The following HNRNPA0 variants were observed in gnomAD, a reference collection of about 807,000 sequenced individuals.
HNRNPA0 encodes the protein heterogeneous nuclear ribonucleoprotein A0.
For missense variants in HNRNPA0, 252 were observed against 433.7 expected (o/e 0.58, Z 3.72); for synonymous variants, 243 against 195.5 (o/e 1.24, Z -2.03).
rs1356946625 is a variant in HNRNPA0, at chr5:137,752,367, A to C, written c.*782T>G. The C allele has an allele frequency of 6.6e-6, 1 of 152,252 alleles. No homozygotes were observed. The highest frequency in any genetic ancestry group is 1.5e-5 in the Non-Finnish European group (1 of 68,052). The allele number at this position is 152,252 out of a possible 1,614,324, so 9.4% of individuals were successfully genotyped here. A position where few individuals can be genotyped will look rare whatever the true frequency, so the allele number is the denominator to read the frequency against. On this transcript the variant is annotated 3_prime_UTR_variant, in exon 1 of 1. Transcript: ENST00000314940. The stretch of plus-strand genomic sequence containing the variant: ...TGTCAAGATGATAAACAATTCGCTT[A>C]GTACAAGAGATGGATGCACAGAAAC...
rs1489033947 is a variant in HNRNPA0, at chr5:137,746,157, T to C, written c.*6992A>G. 2.6e-5 allele frequency: 4 copies of C among 152,236 alleles called. No homozygotes were observed. Among genetic ancestry groups the C allele is most frequent in the African/African-American group, 7.2e-5 (3 of 41,464 alleles). 9.4% of individuals were successfully genotyped at this position (152,236 alleles called of 1,614,324 possible). On this transcript the variant is annotated 3_prime_UTR_variant, in exon 1 of 1. Coordinates refer to ENST00000314940, the MANE Select transcript of HNRNPA0 (RefSeq NM_006805.4). Reference sequence around the variant, plus strand: ...CTCAACATATATATGTAGATACCTATGGTAGAGTTGAAAAGATTGTGGATC... The same window carrying C: ...CTCAACATATATATGTAGATACCTACGGTAGAGTTGAAAAGATTGTGGATC...
Position 137,752,972 on chromosome 5 carries a change from G to A in HNRNPA0, c.*177C>T, listed in dbSNP as rs976649442. On this transcript the variant is annotated 3_prime_UTR_variant, in exon 1 of 1. Transcript: ENST00000314940. ...TCCATCTTCAGAGGGAGAGACAAGA[G>A]AGGTGGCAGGCAAATAGAGGAACAC... is the stretch of plus-strand genomic sequence containing the variant. 1.4e-5 allele frequency: 8 copies of A among 590,336 alleles called. No individual in the cohort carries two copies. Among genetic ancestry groups the A allele is most frequent in the Non-Finnish European group, 2.0e-5 (7 of 344,034 alleles). The allele number at this position is 590,336 out of a possible 1,614,324, so 36.6% of individuals were successfully genotyped here.
rs1257546855 is a variant in HNRNPA0 at position 137,749,290 on chromosome 5, TTAAGAA to T, written c.*3853_*3858del. On this transcript the variant is annotated 3_prime_UTR_variant, in exon 1 of 1. Coordinates refer to ENST00000314940, the MANE Select transcript of HNRNPA0 (RefSeq NM_006805.4). ...CCTGCCTGAATAGAGAAGGAAACAG[TTAAGAA>T]TAACTACCAAAGGTGTCTTCCTGAA... 2.6e-5 allele frequency: 4 copies of T among 152,128 alleles called. No individual in the cohort carries two copies. The highest frequency in any genetic ancestry group is 9.7e-5 in the African/African-American group (4 of 41,436). The allele number at this position is 152,128 out of a possible 1,614,324, so 9.4% of individuals were successfully genotyped here. A position where few individuals can be genotyped will look rare whatever the true frequency, so the allele number is the denominator to read the frequency against.
rs1416571987 is a variant in HNRNPA0 at position 137,752,251 on chromosome 5, AAC to A, written c.*896_*897del. 18 of 152,220 alleles carry A rather than the reference AAC, an allele frequency of 1.2e-4. No homozygotes were observed. In the South Asian group the frequency reaches 1.2e-3, roughly 11 times the overall value. 9.4% of individuals were successfully genotyped at this position (152,220 alleles called of 1,614,324 possible). A position where few individuals can be genotyped will look rare whatever the true frequency, so the allele number is the denominator to read the frequency against. On this transcript the variant is annotated 3_prime_UTR_variant, in exon 1 of 1. Coordinates refer to ENST00000314940, the MANE Select transcript of HNRNPA0 (RefSeq NM_006805.4). ...AAACTAGGCCATCTGAAAAATTTTA[AAC>A]AGTTTATATGAATGACATGCTTAAC...
Position 137,752,556 on chromosome 5 carries a change from T to A in HNRNPA0, c.*593A>T, listed in dbSNP as rs1753519699. On this transcript the variant is annotated 3_prime_UTR_variant, in exon 1 of 1. Transcript: ENST00000314940. ...AATAAAGAATTAACACGTAAAGTCT[T>A]AAACAAATATCCCTTAAAAAACGGT... 1 of 152,556 alleles carries A rather than the reference T, an allele frequency of 6.6e-6. No homozygotes were observed. 9.5% of individuals were successfully genotyped at this position (152,556 alleles called of 1,614,324 possible).
chr5:137,753,088 C>A lies in HNRNPA0; in HGVS notation c.*61G>T. ...AGGGGGTGGGGCTTAGGAGTTGACC[C>A]CACTTGGGCTGTTGGAAAGAGCTAC... On this transcript the variant is annotated 3_prime_UTR_variant, in exon 1 of 1. Transcript: ENST00000314940. This position sits in a 1 kb window ranked among gnomAD's most constrained non-coding sequence, Gnocchi z 6.1. The A allele has an allele frequency of 6.6e-7, 1 of 1,521,950 alleles. No individual in the cohort carries two copies. The highest frequency in any genetic ancestry group is 8.9e-7 in the Non-Finnish European group (1 of 1,123,560). 94.3% of individuals were successfully genotyped at this position (1,521,950 alleles called of 1,614,324 possible). A position where few individuals can be genotyped will look rare whatever the true frequency, so the allele number is the denominator to read the frequency against.
rs1010143726 is a variant in HNRNPA0, at chr5:137,749,681, T to C, written c.*3468A>G. Reference sequence around the variant, plus strand: ...AGACACTTAGCCTAAGTGCAAGTGCTGTCTTTTTGGGTAAAATCCGTGTAG... The same window carrying C: ...AGACACTTAGCCTAAGTGCAAGTGCCGTCTTTTTGGGTAAAATCCGTGTAG... On this transcript the variant is annotated 3_prime_UTR_variant, in exon 1 of 1. Transcript: ENST00000314940. 3 of 152,192 alleles carry C rather than the reference T, an allele frequency of 2.0e-5. No individual in the cohort carries two copies. The highest frequency in any genetic ancestry group is 4.8e-5 in the African/African-American group (2 of 41,466). The allele number at this position is 152,192 out of a possible 1,614,324, so 9.4% of individuals were successfully genotyped here. A position where few individuals can be genotyped will look rare whatever the true frequency, so the allele number is the denominator to read the frequency against.
Position 137,752,990 on chromosome 5 carries a change from A to T in HNRNPA0, c.*159T>A. 1.5e-6 allele frequency: 1 copy of T among 670,154 alleles called. No individual in the cohort carries two copies. Among genetic ancestry groups the T allele is most frequent in the African/African-American group, 1.8e-5 (1 of 55,496 alleles). 41.5% of individuals were successfully genotyped at this position (670,154 alleles called of 1,614,324 possible). On this transcript the variant is annotated 3_prime_UTR_variant, in exon 1 of 1. Transcript: ENST00000314940. ...GACAAGAGAGGTGGCAGGCAAATAG[A>T]GGAACACCCCCAAGGGTAAGCAGCC...
chr5:137,753,508 C>T lies in HNRNPA0; in HGVS notation c.559G>A (p.Gly187Ser), dbSNP rs201091840. ...EDIYSGGGGG[G>S]SRSSRGGRGG... ...CGGCCGCCCCGGGAGGATCGGGAGC[C>T]GCCTCCACCCCCACCGGAGTAGATA... Residue 187 changes from glycine to serine, a missense_variant, in exon 1 of 1, where the codon GGC becomes AGC. By Grantham distance (56) the Gly-to-Ser change is moderately conservative. Transcript: ENST00000314940. The surrounding 1 kb of genome is among the most constrained non-coding windows in gnomAD (Gnocchi z 6.1). The T allele has an allele frequency of 9.4e-4, 1,509 of 1,601,328 alleles. 4 individuals are homozygous for T. Among genetic ancestry groups the T allele is most frequent in the Middle Eastern group, 4.1e-3 (25 of 6,038 alleles).
rs1022802721 is a variant in HNRNPA0 at position 137,748,785 on chromosome 5, T to C, written c.*4364A>G. 6.6e-6 allele frequency: 1 copy of C among 152,108 alleles called. No individual in the cohort carries two copies. The highest frequency in any genetic ancestry group is 1.5e-5 in the Non-Finnish European group (1 of 68,010). 9.4% of individuals were successfully genotyped at this position (152,108 alleles called of 1,614,324 possible). On this transcript the variant is annotated 3_prime_UTR_variant, in exon 1 of 1. Transcript: ENST00000314940. The stretch of plus-strand genomic sequence containing the variant: ...ATACCCACTATGAAGCAAATTACAT[T>C]TGCAACGTAAGCATCAAAGACAAAA...
rs1753464842 is a variant in HNRNPA0, at chr5:137,749,677, G to C, written c.*3472C>G. The C allele has an allele frequency of 6.6e-6, 1 of 152,200 alleles. No homozygotes were observed. Among genetic ancestry groups the C allele is most frequent in the African/African-American group, 2.4e-5 (1 of 41,452 alleles). The allele number at this position is 152,200 out of a possible 1,614,324, so 9.4% of individuals were successfully genotyped here. A position where few individuals can be genotyped will look rare whatever the true frequency, so the allele number is the denominator to read the frequency against. ...AGAAAGACACTTAGCCTAAGTGCAA[G>C]TGCTGTCTTTTTGGGTAAAATCCGT... On this transcript the variant is annotated 3_prime_UTR_variant, in exon 1 of 1. Coordinates refer to ENST00000314940, the MANE Select transcript of HNRNPA0 (RefSeq NM_006805.4).
chr5:137,749,684 C>T lies in HNRNPA0; in HGVS notation c.*3465G>A, dbSNP rs1348847148. The T allele has an allele frequency of 6.6e-6, 1 of 152,162 alleles. No homozygotes were observed. The highest frequency in any genetic ancestry group is 1.5e-5 in the Non-Finnish European group (1 of 67,996). The allele number at this position is 152,162 out of a possible 1,614,324, so 9.4% of individuals were successfully genotyped here. Reference sequence around the variant, plus strand: ...CACTTAGCCTAAGTGCAAGTGCTGTCTTTTTGGGTAAAATCCGTGTAGTCT... The same window carrying T: ...CACTTAGCCTAAGTGCAAGTGCTGTTTTTTTGGGTAAAATCCGTGTAGTCT... On this transcript the variant is annotated 3_prime_UTR_variant, in exon 1 of 1. Coordinates refer to ENST00000314940, the MANE Select transcript of HNRNPA0 (RefSeq NM_006805.4).
At position 137,752,595 on chromosome 5, in the gene HNRNPA0, T is replaced by C. The variant is rs1279974893; in HGVS notation, c.*554A>G. Reference sequence around the variant, plus strand: ...TTAAAAAACGGTACGGAATGGATCCTAGAAAAAAAATGTTAGACATGTACG... The same window carrying C: ...TTAAAAAACGGTACGGAATGGATCCCAGAAAAAAAATGTTAGACATGTACG... On this transcript the variant is annotated 3_prime_UTR_variant, in exon 1 of 1. Transcript: ENST00000314940. 6.5e-6 allele frequency: 1 copy of C among 152,758 alleles called. No homozygotes were observed. The highest frequency in any genetic ancestry group is 1.5e-5 in the Non-Finnish European group (1 of 68,150). 9.5% of individuals were successfully genotyped at this position (152,758 alleles called of 1,614,324 possible). A position where few individuals can be genotyped will look rare whatever the true frequency, so the allele number is the denominator to read the frequency against.
rs901175331 is a variant in HNRNPA0, at chr5:137,752,448, T to C, written c.*701A>G. On this transcript the variant is annotated 3_prime_UTR_variant, in exon 1 of 1. Coordinates refer to ENST00000314940, the MANE Select transcript of HNRNPA0 (RefSeq NM_006805.4). ...TCAAAAGTTTTGCCTGTAAGGGATATAATTCAACACGCAACTAGCAGGGCA... is the reference window on the plus strand; with the variant it reads ...TCAAAAGTTTTGCCTGTAAGGGATACAATTCAACACGCAACTAGCAGGGCA... The C allele has an allele frequency of 4.6e-5, 7 of 152,168 alleles. No homozygotes were observed. The highest frequency in any genetic ancestry group is 1.4e-4 in the African/African-American group (6 of 41,448). 9.4% of individuals were successfully genotyped at this position (152,168 alleles called of 1,614,324 possible).
Position 137,754,263 on chromosome 5 carries a change from G to T in HNRNPA0, c.-197C>A. On this transcript the variant is annotated 5_prime_UTR_variant, in exon 1 of 1. Transcript: ENST00000314940. The stretch of plus-strand genomic sequence containing the variant: ...GGAAGGGGGAGGGAAGGGGAGCGGT[G>T]CCGGCTAAAGGGCGAGCCGAGGAGA... 1 of 754,380 alleles carries T rather than the reference G, an allele frequency of 1.3e-6. No individual in the cohort carries two copies. The highest frequency in any genetic ancestry group is 2.1e-6 in the Non-Finnish European group (1 of 474,224). 46.7% of individuals were successfully genotyped at this position (754,380 alleles called of 1,614,324 possible).
rs1753481376 is a variant in HNRNPA0 at position 137,750,727 on chromosome 5, G to T, written c.*2422C>A. The T allele has an allele frequency of 6.6e-6, 1 of 152,116 alleles. No individual in the cohort carries two copies. The allele number at this position is 152,116 out of a possible 1,614,324, so 9.4% of individuals were successfully genotyped here. A position where few individuals can be genotyped will look rare whatever the true frequency, so the allele number is the denominator to read the frequency against. On this transcript the variant is annotated 3_prime_UTR_variant, in exon 1 of 1. Transcript: ENST00000314940. Reference sequence around the variant, plus strand: ...TCTTCACTACAAATAGCAATTTTAAGGGTAGACACATGACAATGAAGTGTT... The same window carrying T: ...TCTTCACTACAAATAGCAATTTTAATGGTAGACACATGACAATGAAGTGTT...
Position 137,753,431 on chromosome 5 carries a change from G to C in HNRNPA0, c.636C>G (p.Gly212=), listed in dbSNP as rs1186484424. Residue 212 remains glycine, a synonymous_variant, in exon 1 of 1, where the codon GGC becomes GGG. Transcript: ENST00000314940. The surrounding 1 kb of genome is among the most constrained non-coding windows in gnomAD (Gnocchi z 6.1). ...CGTAGCTGTTGTAACCGCCGCCGCC[G>C]CCCTTGGAAAGGCCGTTCTGGTCTC... The part of the protein sequence containing the change: ...GGRDQNGLSK[G]GGGGYNSYGG... 1.1e-5 allele frequency: 17 copies of C among 1,552,524 alleles called. No individual in the cohort carries two copies. Among genetic ancestry groups the C allele is most frequent in the South Asian group, 2.3e-5 (2 of 85,160 alleles).
Position 137,754,332 on chromosome 5 carries a change from T to G in HNRNPA0, c.-266A>C, listed in dbSNP as rs1489487570. ...CACCGCTACCGCCGCCGCCGCCACC[T>G]CCGCTCCCCTATCTGGGCACCACAC... On this transcript the variant is annotated 5_prime_UTR_variant, in exon 1 of 1. Coordinates refer to ENST00000314940, the MANE Select transcript of HNRNPA0 (RefSeq NM_006805.4). 2 of 489,732 alleles carry G rather than the reference T, an allele frequency of 4.1e-6. No individual in the cohort carries two copies. The highest frequency in any genetic ancestry group is 7.5e-6 in the Non-Finnish European group (2 of 266,438). The allele number at this position is 489,732 out of a possible 1,614,324, so 30.3% of individuals were successfully genotyped here. A position where few individuals can be genotyped will look rare whatever the true frequency, so the allele number is the denominator to read the frequency against.
rs570490845 is a variant in HNRNPA0, at chr5:137,750,981, A to C, written c.*2168T>G. 6.6e-6 allele frequency: 1 copy of C among 152,322 alleles called. No homozygotes were observed. The highest frequency in any genetic ancestry group is 6.5e-5 in the Admixed American group (1 of 15,304). 9.4% of individuals were successfully genotyped at this position (152,322 alleles called of 1,614,324 possible). ...TTTAACAATTACAACGAAAAATTTCAGAGAATCATTTTCTGTATCCTAGAG... is the reference window on the plus strand; with the variant it reads ...TTTAACAATTACAACGAAAAATTTCCGAGAATCATTTTCTGTATCCTAGAG... On this transcript the variant is annotated 3_prime_UTR_variant, in exon 1 of 1. Transcript: ENST00000314940.
Sources: gnomAD v4.1 joint callset for allele counts on GRCh38, gnomAD v4.1.1 for gene constraint, Gnocchi (gnomAD v3.1) non-coding constraint, MANE v1.5 for transcripts, NCBI Gene and HGNC (gene_info 2026-07-23, HGNC 2026-07-21) for gene names.